NLGN1: variants seen among roughly 807,000 people sequenced by gnomAD.
NLGN1 encodes the protein neuroligin-1.
Under a neutral mutation model 65.5 loss-of-function variants are expected in NLGN1, and 12 were observed. That is an observed-to-expected ratio of 0.18 (90% CI 0.12 to 0.30). NLGN1 has a LOEUF of 0.30. NLGN1 is among the 10% of genes least tolerant of loss of function. NLGN1 has a pLI of 1.00. For synonymous variants in NLGN1, 350 were observed against 359.5 expected, an observed-to-expected ratio of 0.97 and a Z score of 0.30; for missense variants, 750 against 1,007.1, an observed-to-expected ratio of 0.74 and a Z score of 3.46.
chr3:173,728,502 G>T (rs2091193502), intron 3 of NLGN1, among the ~76,000 whole-genome samples: 1 of 151,934 alleles, frequency 6.6e-6, no homozygotes, highest in African/African-American at 2.4e-5. Context: ...ATCTATAGTG[G>T]GTTGAATAGT....
intron 2 of NLGN1, among the ~76,000 whole-genome samples, chr3:173,600,780 G>A (rs1483205716): frequency 1.3e-5 from 2 of 151,502 alleles, no homozygotes; most frequent in Non-Finnish European, 2.9e-5. Flanking sequence ...GTAATGAGTA[G>A]ATTGTTCATG....
chr3:174,065,496 T>C (rs1738325923), intron 4 of NLGN1, among the ~76,000 whole-genome samples: 1 of 152,170 alleles, frequency 6.6e-6, no homozygotes, highest in Admixed American at 6.6e-5. Flanking sequence ...TGTGGAAGAA[T>C]AATTCAAGCG....
In NLGN1 at chr3:173,711,731, G is replaced by A. The variant is rs541919459; in HGVS notation, c.494-95949G>A. 2.0e-5 allele frequency among the ~76,000 whole-genome samples: 3 copies of A among 152,220 alleles called. No individual in the cohort carries two copies. In the East Asian group the frequency reaches 5.8e-4, roughly 29 times the overall value. On this transcript the variant is annotated intron_variant, in intron 3 of 6. Coordinates refer to ENST00000457714, the Ensembl canonical transcript of NLGN1. The stretch of plus-strand genomic sequence containing the variant: ...CTGAGCATATTGGCTGCTTATGCTT[G>A]TTACTGGAATCGATCTACTATGGTG...
intron 4 of NLGN1, among the ~76,000 whole-genome samples, chr3:173,994,210 T>C (rs573757205): frequency 1.3e-5 from 2 of 152,098 alleles, no homozygotes; most frequent in East Asian, 3.9e-4. Flanking sequence ...CAGGCTCAAG[T>C]GATCCTACTG....
chr3:173,757,545 CTTAA>C lies in NLGN1; in HGVS notation c.494-50130_494-50127del, dbSNP rs147490772. 9.4e-3 allele frequency among the ~76,000 whole-genome samples: 1,423 copies of C among 151,984 alleles called. 20 individuals carry two copies. The highest frequency in any genetic ancestry group is 0.031 in the African/African-American group (1,301 of 41,482). ...TTATAGAAACAATCTGACTCAGTTT[CTTAA>C]TTAAGGCAATTATAGCCAAAGAAGG... On this transcript the variant is annotated intron_variant, in intron 3 of 6. Transcript: ENST00000457714.
At chr3:173,784,357 T>G (rs1203449397) in intron 3 of NLGN1, among the ~76,000 whole-genome samples, 3 of 152,136 alleles carry the variant, frequency 2.0e-5, no homozygotes, top group African/African-American at 7.2e-5. Flanking sequence ...CCTGGAGTAT[T>G]TTCATTGACA....
chr3:174,289,180 G>A (rs1193061693), downstream of NLGN1, among the ~76,000 whole-genome samples: 3 of 151,318 alleles, frequency 2.0e-5, no homozygotes, highest in African/African-American at 7.3e-5. Flanking sequence ...AGCAAAAGAT[G>A]ACAATTACTA....
intron 4 of NLGN1, among the ~76,000 whole-genome samples, chr3:174,175,972 C>T (rs1409567971): frequency 1.3e-5 from 2 of 151,734 alleles, no homozygotes; most frequent in East Asian, 3.9e-4. Context: ...TCTCATTCAC[C>T]ACAAAGAGCA....
At chr3:173,609,661 C>G (rs1377688169) in intron 3 of NLGN1, among the ~76,000 whole-genome samples, 1 of 151,942 alleles carries the variant, frequency 6.6e-6, no homozygotes, top group African/African-American at 2.4e-5. Flanking sequence ...TGAGTACTTA[C>G]TCTGTGCTGA....
chr3:173,529,036 T>G (rs1023173291), intron 2 of NLGN1, among the ~76,000 whole-genome samples: 7 of 152,208 alleles, frequency 4.6e-5, no homozygotes, highest in Non-Finnish European at 8.8e-5. Flanking sequence ...ATTCTTATGC[T>G]GGATCCTTAT....
intron 2 of NLGN1, among the ~76,000 whole-genome samples, chr3:173,602,705 T>C (rs1750738644): frequency 6.6e-6 from 1 of 152,070 alleles, no homozygotes; most frequent in Non-Finnish European, 1.5e-5. Flanking sequence ...TTTTAAGACC[T>C]CACCACAGGT....
intron 4 of NLGN1, among the ~76,000 whole-genome samples, chr3:173,867,333 T>C (rs1243382741): frequency 2.0e-5 from 3 of 152,158 alleles, no homozygotes; most frequent in Non-Finnish European, 2.9e-5. Context: ...TTATATTAAA[T>C]AAAGAGAAAT....
chr3:174,103,302 T>C (rs1213234603), intron 4 of NLGN1, among the ~76,000 whole-genome samples: 1 of 152,190 alleles, frequency 6.6e-6, no homozygotes. Flanking sequence ...AGAGGAAATA[T>C]TCTAAAGAGT....
intron 4 of NLGN1, among the ~76,000 whole-genome samples, chr3:174,237,417 A>C (rs888626987): frequency 6.6e-6 from 1 of 152,330 alleles, no homozygotes; most frequent in East Asian, 1.9e-4. Flanking sequence ...CCTATGTTAA[A>C]ATTCTTGCTT....
At chr3:173,773,120 A>G (rs1016757773) in intron 3 of NLGN1, among the ~76,000 whole-genome samples, 7 of 152,180 alleles carry the variant, frequency 4.6e-5, no homozygotes, top group Non-Finnish European at 1.0e-4. Context: ...CCCCACTGCC[A>G]TAACCCACTT....
intron 4 of NLGN1, among the ~76,000 whole-genome samples, chr3:174,258,046 T>A (rs369621017): frequency 5.3e-5 from 8 of 151,910 alleles, no homozygotes; most frequent in East Asian, 1.9e-4. Context: ...GAGAAGACCA[T>A]TCAAAAATTT....
intron 4 of NLGN1, among the ~76,000 whole-genome samples, chr3:173,962,307 T>G (rs1168658083): frequency 6.6e-6 from 1 of 152,042 alleles, no homozygotes; most frequent in Non-Finnish European, 1.5e-5. Context: ...TAGGAAGAGG[T>G]TAAATAGGAA....
At chr3:173,728,193 G>A (rs1486748640) in intron 3 of NLGN1, among the ~76,000 whole-genome samples, 1 of 152,068 alleles carries the variant, frequency 6.6e-6, no homozygotes, top group African/African-American at 2.4e-5. Flanking sequence ...GGATGTGAGA[G>A]ATGTGTAGTA....
chr3:173,537,508 TTG>T (rs1388162326), intron 2 of NLGN1, among the ~76,000 whole-genome samples: 1 of 108,492 alleles, frequency 9.2e-6, no homozygotes, highest in Non-Finnish European at 1.9e-5. Flanking sequence ...GTGTGTGTGT[TTG>T]TGTGTGTGTA....
Sources: allele counts gnomAD v4.1 joint callset (sites outside exome capture counted in the v4.1 genomes callset), GRCh38; gene constraint gnomAD v4.1.1; transcripts MANE v1.5; gene names NCBI Gene and HGNC (gene_info 2026-07-23, HGNC 2026-07-21).